Variants in ACAD11 observed in about 807,000 individuals in gnomAD.
The protein encoded by ACAD11 is acyl-Coenzyme A dehydrogenase family, member 11.
In ACAD11, 83 loss-of-function variants were observed where a neutral mutation model predicts 102.2. That is an observed-to-expected ratio of 0.81 (90% CI 0.68 to 0.97). ACAD11 has a LOEUF of 0.97. ACAD11 is among the 50% of genes least tolerant of loss of function. The pLI, the probability that ACAD11 is intolerant of heterozygous loss-of-function variation, is 0.00. For synonymous variants in ACAD11, 324 were observed against 319.8 expected (o/e 1.01, Z -0.14); for missense variants, 901 against 951.7 (o/e 0.95, Z 0.70).
intron 13 of ACAD11, among the ~76,000 whole-genome samples, chr3:132,598,747 G>A (rs935752242): frequency 2.6e-5 from 4 of 152,234 alleles, no homozygotes; most frequent in Non-Finnish European, 2.9e-5. Context: ...CCACTGCTGA[G>A]AAATTAGTCC....
chr3:132,584,828 C>T (rs1451819864), intron 13 of ACAD11, among the ~76,000 whole-genome samples: 3 of 152,076 alleles, frequency 2.0e-5, no homozygotes, highest in East Asian at 1.9e-4. Context: ...CAAACCACTG[C>T]TCAATGAAAT....
At chr3:132,562,770 G>C (rs1234852883) in intron 17 of ACAD11, among the ~76,000 whole-genome samples, 1 of 152,130 alleles carries the variant, frequency 6.6e-6, no homozygotes, top group African/African-American at 2.4e-5. Flanking sequence ...TTTTAATTGG[G>C]TTGTTTTCTT....
intron 17 of ACAD11, among the ~76,000 whole-genome samples, chr3:132,568,676 A>T (rs1446792102): frequency 6.6e-6 from 1 of 152,154 alleles, no homozygotes; most frequent in East Asian, 1.9e-4. Flanking sequence ...GACAGAAGAG[A>T]CAACCCATAT....
intron 2 of ACAD11, among the ~76,000 whole-genome samples, 183 bp from the exon 3 acceptor site, chr3:132,642,985 A>G (rs1023476855): frequency 6.6e-6 from 1 of 152,258 alleles, no homozygotes; most frequent in East Asian, 1.9e-4. Flanking sequence ...CTATGATTAT[A>G]AATTAGACCA....
intron 1 of ACAD11, chr3:132,647,504 C>T (rs911415576): frequency 7.2e-5 from 11 of 152,170 alleles, no homozygotes; most frequent in African/African-American, 1.4e-4. Context: ...GACAATCTCA[C>T]GAGACCCTAC....
At chr3:132,635,554 T>A (rs1403492665) in intron 5 of ACAD11, among the ~76,000 whole-genome samples, 2 of 152,194 alleles carry the variant, frequency 1.3e-5, no homozygotes, top group Non-Finnish European at 2.9e-5. Flanking sequence ...TTGCTGGCTG[T>A]ATAACTCTGG....
intron 13 of ACAD11, among the ~76,000 whole-genome samples, chr3:132,583,837 A>T (rs1937673822): frequency 6.6e-6 from 1 of 152,132 alleles, no homozygotes; most frequent in Non-Finnish European, 1.5e-5. Context: ...CAGGTTGTTC[A>T]GTTTCCATGT....
Position 132,579,870 on chromosome 3 carries a change from A to C in ACAD11, c.1622-312T>G, listed in dbSNP as rs150599923. Among the ~76,000 whole-genome samples, 579 of 152,288 alleles carry C rather than the reference A, an allele frequency of 3.8e-3. 6 individuals carry two copies. Among genetic ancestry groups the C allele is most frequent in the African/African-American group, 0.013 (526 of 41,574 alleles). On this transcript the variant is annotated intron_variant, in intron 13 of 19. Coordinates refer to ENST00000264990, the MANE Select transcript of ACAD11 (RefSeq NM_032169.5). ...CATCAGCATGCTAGAAAAGCTGAGA[A>C]ATTTTATATGTCTAATATAATATTT...
intron 1 of ACAD11, among the ~76,000 whole-genome samples, chr3:132,653,675 A>G (rs1937632241): frequency 6.6e-6 from 1 of 152,104 alleles, no homozygotes; most frequent in Non-Finnish European, 1.5e-5. Context: ...TCTTAAACCC[A>G]TTTCAATCAA....
chr3:132,569,939 A>G (rs1937329118), intron 17 of ACAD11, among the ~76,000 whole-genome samples: 1 of 152,226 alleles, frequency 6.6e-6, no homozygotes, highest in East Asian at 1.9e-4. Context: ...TAGTTTTGCA[A>G]GATGTTACCA....
intron 7 of ACAD11, among the ~76,000 whole-genome samples, chr3:132,629,948 G>C (rs1373211475): frequency 6.6e-6 from 1 of 151,608 alleles, no homozygotes; most frequent in Admixed American, 6.6e-5. Context: ...CAAATATGAC[G>C]ATGAAAATAA....
At chr3:132,653,415 G>C (rs1937622346) in intron 1 of ACAD11, among the ~76,000 whole-genome samples, 1 of 152,144 alleles carries the variant, frequency 6.6e-6, no homozygotes, top group Non-Finnish European at 1.5e-5. Flanking sequence ...AAAGTCTGCA[G>C]AAGGACGTGC....
intron 4 of ACAD11, among the ~76,000 whole-genome samples, chr3:132,640,379 C>T (rs1037787568): frequency 3.3e-5 from 5 of 152,130 alleles, no homozygotes; most frequent in Admixed American, 1.3e-4. Flanking sequence ...TCAGCCACCG[C>T]GCCCAGCCTA....
intron 13 of ACAD11, among the ~76,000 whole-genome samples, chr3:132,597,882 T>C (rs1938385312): frequency 6.6e-6 from 1 of 152,162 alleles, no homozygotes; most frequent in Non-Finnish European, 1.5e-5. Context: ...CATAAGAACA[T>C]GAAGACCAGA....
At chr3:132,657,984 C>T (rs909609290) in intron 1 of ACAD11, among the ~76,000 whole-genome samples, 1 of 151,148 alleles carries the variant, frequency 6.6e-6, no homozygotes, top group Admixed American at 6.6e-5. Flanking sequence ...GCCTCAGCAT[C>T]CCAAGTAGCT....
intron 1 of ACAD11, among the ~76,000 whole-genome samples, chr3:132,646,126 G>A (rs1053020819): frequency 2.2e-4 from 34 of 152,156 alleles, no homozygotes; most frequent in Admixed American, 2.0e-3. Flanking sequence ...ACAGGCGCCC[G>A]CCACCGCACC....
chr3:132,641,016 A>G (rs1387124182), intron 4 of ACAD11, among the ~76,000 whole-genome samples: 1 of 152,170 alleles, frequency 6.6e-6, no homozygotes, highest in Non-Finnish European at 1.5e-5. Context: ...GGGCATCCCA[A>G]CTTCCACCCT....
At chr3:132,657,479 T>G (rs946618722) in intron 1 of ACAD11, among the ~76,000 whole-genome samples, 4 of 152,228 alleles carry the variant, frequency 2.6e-5, no homozygotes, top group South Asian at 2.1e-4. Flanking sequence ...AAAATTAGGA[T>G]TTTGATTGTC....
At chr3:132,614,844 A>G (rs151333922) in intron 11 of ACAD11, among the ~76,000 whole-genome samples, 306 of 152,232 alleles carry the variant, frequency 2.0e-3, no homozygotes, top group Non-Finnish European at 3.3e-3. Flanking sequence ...TTAAACTAAA[A>G]AGCTTCTGCA....
Sources: allele counts gnomAD v4.1 joint callset (sites outside exome capture counted in the v4.1 genomes callset), GRCh38; gene constraint gnomAD v4.1.1; transcripts MANE v1.5; gene names NCBI Gene and HGNC (gene_info 2026-07-23, HGNC 2026-07-21).